Variants in IGF2R observed in about 807,000 individuals in gnomAD.
IGF2R encodes the protein insulin like growth factor 2 receptor.
In IGF2R, 91 loss-of-function variants were observed where a neutral mutation model predicts 270.6. The ratio of observed to expected loss-of-function variants is 0.34; its 90% confidence interval spans 0.28 to 0.40. The LOEUF is 0.40. Among genes scored for constraint, IGF2R ranks in the 10% least tolerant of loss-of-function variants. The pLI is 1.00. For missense variants in IGF2R, 2,805 were observed against 3,188.3 expected, an observed-to-expected ratio of 0.88 and a Z score of 2.90; for synonymous variants, 1,316 against 1,258.9, an observed-to-expected ratio of 1.05 and a Z score of -0.96.
At chr6:160,010,456 T>C (rs1228510148) in intron 3 of IGF2R, 11 of 417,010 alleles carry the variant, frequency 2.6e-5, no homozygotes, top group Admixed American at 3.8e-5. Context: ...GCGGTAGAAT[T>C]CCTTTGGATT....
At chr6:160,008,464 T>C (rs1784281394) in intron 2 of IGF2R, among the ~76,000 whole-genome samples, 1 of 152,234 alleles carries the variant, frequency 6.6e-6, no homozygotes, top group South Asian at 2.1e-4. Flanking sequence ...CATAGACTTT[T>C]TATTCTGGAC....
chr6:159,978,850 T>C (rs932371392), intron 1 of IGF2R, among the ~76,000 whole-genome samples: 3 of 152,140 alleles, frequency 2.0e-5, no homozygotes, highest in African/African-American at 7.2e-5. Context: ...CTTTTTCCTT[T>C]TGTGTGCTTT....
At chr6:159,979,719 C>A (rs2115171284) in intron 1 of IGF2R, among the ~76,000 whole-genome samples, 1 of 152,204 alleles carries the variant, frequency 6.6e-6, no homozygotes, top group East Asian at 1.9e-4. Context: ...GCATGTCTGA[C>A]TTGGTTGAGA....
At chr6:160,093,872 G>A (rs1044520727) in intron 44 of IGF2R, 4 of 725,500 alleles carry the variant, frequency 5.5e-6, no homozygotes, top group East Asian at 2.7e-5. Flanking sequence ...GGGCAGTATC[G>A]CAGACAGGAC....
In IGF2R at chr6:160,068,125, G is replaced by A. The variant is rs575863663; in HGVS notation, c.4116-124G>A. 53 of 803,912 alleles carry A rather than the reference G, an allele frequency of 6.6e-5. 1 individual carries two copies. Among genetic ancestry groups the A allele is most frequent in the Non-Finnish European group, 1.1e-4 (53 of 497,950 alleles). The allele number at this position is 803,912 out of a possible 1,614,324, so 49.8% of individuals were successfully genotyped here. A position where few individuals can be genotyped will look rare whatever the true frequency, so the allele number is the denominator to read the frequency against. On this transcript the variant is annotated intron_variant, in intron 29 of 47. Transcript: ENST00000356956. ...GTGTGTGTGACAGAGACAGAGAGAA[G>A]TCGAGTCTAAAGTTCTGTCAGGCTT...
rs556999896 is a variant in IGF2R at position 159,998,971 on chromosome 6, C to T, written c.289+7648C>T. ...CATGTTATAAATGAAGAAATGGAAG[C>T]GCAAAATGGATCTGTGTTCTACAGT... On this transcript the variant is annotated intron_variant, in intron 2 of 47. Coordinates refer to ENST00000356956, the MANE Select transcript of IGF2R (RefSeq NM_000876.4). This position sits in a 1 kb window ranked among gnomAD's most constrained non-coding sequence, Gnocchi z 4.1. Among the ~76,000 whole-genome samples the T allele has an allele frequency of 5.9e-5, 9 of 152,220 alleles. No individual in the cohort carries two copies. The highest frequency in any genetic ancestry group is 3.9e-4 in the East Asian group (2 of 5,192).
intron 2 of IGF2R, chr6:160,005,076 G>C (rs1784194603): frequency 6.6e-6 from 1 of 152,300 alleles, no homozygotes; most frequent in Admixed American, 6.5e-5. Context: ...CCTCAGTCCA[G>C]CGCTTAGGTT....
At chr6:160,033,175 C>A in intron 9 of IGF2R, 68 bp downstream of exon 9, 1 of 1,196,280 alleles carries the variant, frequency 8.4e-7, no homozygotes, top group Non-Finnish European at 1.2e-6. Flanking sequence ...TGCACTCTGG[C>A]GCCCAGGCTA....
intron 35 of IGF2R, among the ~76,000 whole-genome samples, chr6:160,074,246 G>T (rs781194447): frequency 1.6e-4 from 24 of 152,208 alleles, no homozygotes; most frequent in Non-Finnish European, 3.2e-4. Flanking sequence ...CCTCAGGGTT[G>T]ACCCAAATCA....
At chr6:160,023,994 T>C (rs992249290) in intron 4 of IGF2R, among the ~76,000 whole-genome samples, 1 of 152,034 alleles carries the variant, frequency 6.6e-6, no homozygotes. Context: ...AGGGGTTTCA[T>C]GAGGTGGAGA....
rs374835500 is a variant in IGF2R, at chr6:160,102,627, C to T, written c.6951C>T (p.Leu2317=). The part of the protein sequence containing the change: ...GAVLSLLLVA[L]TCCLLALLLY... ...TGCTCAGCCTGCTGCTGGTGGCGCT[C>T]ACCTGCTGCCTGCTGGCCCTGTTGC... The change falls in exon 46 of 48, where the codon CTC becomes CTT. Residue 2317 remains leucine, a synonymous_variant. Coordinates refer to ENST00000356956, the MANE Select transcript of IGF2R (RefSeq NM_000876.4). The surrounding 1 kb of genome is among the most constrained non-coding windows in gnomAD (Gnocchi z 4.5). The T allele has an allele frequency of 1.9e-5, 31 of 1,612,572 alleles. No homozygotes were observed. The highest frequency in any genetic ancestry group is 2.7e-5 in the African/African-American group (2 of 74,932).
At chr6:160,085,275 A>G (rs2114726110) in intron 41 of IGF2R, 144 bp downstream of exon 41, 2 of 825,002 alleles carry the variant, frequency 2.4e-6, no homozygotes, top group Admixed American at 2.6e-5. Context: ...TCTCACAGGC[A>G]TTTTGGCTCT....
Position 160,047,146 on chromosome 6 carries a change from G to A in IGF2R, c.2052-13G>A. ...CTCAGGTCTTTGCTGAGAGAAACGT[G>A]TGTTTATTTCAGTGATGAGAAGACT... On this transcript the variant is annotated splice_polypyrimidine_tract_variant and intron_variant, in intron 15 of 47. Coordinates refer to ENST00000356956, the MANE Select transcript of IGF2R (RefSeq NM_000876.4). 6.2e-7 allele frequency: 1 copy of A among 1,613,296 alleles called. No individual in the cohort carries two copies. The highest frequency in any genetic ancestry group is 8.5e-7 in the Non-Finnish European group (1 of 1,179,364).
At chr6:160,031,674 G>A (rs917492667) in intron 7 of IGF2R, among the ~76,000 whole-genome samples, 1 of 152,172 alleles carries the variant, frequency 6.6e-6, no homozygotes, top group Non-Finnish European at 1.5e-5. Flanking sequence ...TCGATTATGA[G>A]TCAAACAGAA....
intron 1 of IGF2R, among the ~76,000 whole-genome samples, chr6:159,983,181 T>G (rs1296459279): frequency 6.6e-6 from 1 of 152,216 alleles, no homozygotes; most frequent in Non-Finnish European, 1.5e-5. Context: ...TGGGGCTACA[T>G]TGACTTCTTC....
chr6:159,996,981 A>G (rs925701953), intron 2 of IGF2R, among the ~76,000 whole-genome samples: 4 of 152,196 alleles, frequency 2.6e-5, no homozygotes, highest in African/African-American at 9.7e-5. Context: ...GGGAGCAGCC[A>G]TGACTGTGCC....
intron 2 of IGF2R, chr6:160,003,313 T>C (rs565907148): frequency 5.3e-5 from 8 of 152,372 alleles, no homozygotes; most frequent in Admixed American, 3.9e-4. Context: ...ATATTTAAGA[T>C]GATACCTGGT....
chr6:160,031,999 G>C (rs1777708187), intron 7 of IGF2R, among the ~76,000 whole-genome samples: 1 of 152,196 alleles, frequency 6.6e-6, no homozygotes, highest in African/African-American at 2.4e-5. Context: ...TCTGGGTGGT[G>C]CCCTGGCTTC....
rs772015914 is a variant in IGF2R at position 160,070,072 on chromosome 6, C to T, written c.4443+14C>T. 1 of 1,612,260 alleles carries T rather than the reference C, an allele frequency of 6.2e-7. No individual in the cohort carries two copies. On this transcript the variant is annotated intron_variant, in intron 31 of 47. Coordinates refer to ENST00000356956, the MANE Select transcript of IGF2R (RefSeq NM_000876.4). The stretch of plus-strand genomic sequence containing the variant: ...GAGAGCCAAGTGGTAAGGGACTGTT[C>T]CTGCACCTTCTGCTGTTGCAGCTTT...
Sources: allele counts gnomAD v4.1 joint callset (sites outside exome capture counted in the v4.1 genomes callset), GRCh38; gene constraint gnomAD v4.1.1; non-coding constraint Gnocchi (gnomAD v3.1); transcripts MANE v1.5; gene names NCBI Gene and HGNC (gene_info 2026-07-23, HGNC 2026-07-21).